PCSK6: variants seen among roughly 807,000 people sequenced by gnomAD.
The protein encoded by PCSK6 is paired basic amino acid cleaving enzyme 4.
Under a neutral mutation model 123.3 loss-of-function variants are expected in PCSK6, and 85 were observed. That is an observed-to-expected ratio of 0.69 (90% confidence interval 0.58 to 0.83). PCSK6 has a LOEUF of 0.83. PCSK6 is among the 40% of genes least tolerant of loss of function. PCSK6 has a pLI of 0.00. For missense variants in PCSK6, 1,191 were observed against 1,282.3 expected (o/e 0.93, Z 1.09); for synonymous variants, 508 against 516.0 (o/e 0.98, Z 0.21).
intron 14 of PCSK6, 36 bp downstream of exon 14, chr15:101,331,816 G>T: frequency 6.2e-7 from 1 of 1,609,832 alleles, no homozygotes; most frequent in South Asian, 1.1e-5. Context: ...AAAGCTCGTG[G>T]AAGCTGGCCG....
At chr15:101,488,192 A>G (rs979357505) in intron 1 of PCSK6, among the ~76,000 whole-genome samples, 7 of 152,178 alleles carry the variant, frequency 4.6e-5, no homozygotes, top group East Asian at 3.9e-4. Context: ...TACATTTAAC[A>G]CTGCCTGGCA....
chr15:101,307,136 G>C, intron 21 of PCSK6, 77 bp downstream of exon 21: 1 of 1,073,312 alleles, frequency 9.3e-7, no homozygotes, highest in Non-Finnish European at 1.4e-6. Flanking sequence ...ATGTGGCTTT[G>C]CTTTTCTCTT....
Position 101,316,910 on chromosome 15 carries a change from G to GTTTTTTTTTTTTTTTTTTTTT in PCSK6, c.2569+1408_2569+1409insAAAAAAAAAAAAAAAAAAAAA, listed in dbSNP as rs57613156. 1.3e-4 allele frequency among the ~76,000 whole-genome samples: 15 copies of GTTTTTTTTTTTTTTTTTTTTT among 114,942 alleles called. 1 individual carries two copies. Among genetic ancestry groups the GTTTTTTTTTTTTTTTTTTTTT allele is most frequent in the African/African-American group, 5.5e-4 (14 of 25,388 alleles). The allele number at this position is 114,942 out of a possible 152,430, so 75.4% of individuals were successfully genotyped here. A position where few individuals can be genotyped will look rare whatever the true frequency, so the allele number is the denominator to read the frequency against. ...ACTGGTTTAGCAGAGACTTAATTCT[G>GTTTTTTTTTTTTTTTTTTTTT]TTTTTTTTTTTTTTTTTTTGACAGA... On this transcript the variant is annotated intron_variant, in intron 19 of 21. Transcript: ENST00000611716.
At position 101,489,471 on chromosome 15, in the gene PCSK6, C is replaced by G; in HGVS notation, c.200G>C (p.Arg67Pro). ...CGCCCAGTGGTTGGTGTAGACGGGG[C>G]GCGGCGGGGGCGCGGAGCAGGCGGC... is the stretch of plus-strand genomic sequence containing the variant. ...LPAACSAPPP[R>P]PVYTNHWAVQ... Residue 67 changes from arginine (R) to proline (P), a missense_variant, in exon 1 of 22, where the codon CGC becomes CCC. Arg to Pro is a moderately radical substitution (Grantham distance 103, BLOSUM62 -2). Around this residue, in one of 3 missense-constraint regions of PCSK6, gnomAD observed 204 missense variants for 166.4 expected, o/e 1.23. Transcript: ENST00000611716. 9.0e-7 allele frequency: 1 copy of G among 1,106,466 alleles called. No individual in the cohort carries two copies. Among genetic ancestry groups the G allele is most frequent in the South Asian group, 3.2e-5 (1 of 31,106 alleles). 68.5% of individuals were successfully genotyped at this position (1,106,466 alleles called of 1,614,324 possible). A position where few individuals can be genotyped will look rare whatever the true frequency, so the allele number is the denominator to read the frequency against.
chr15:101,451,544 G>A (rs940872526), intron 1 of PCSK6, among the ~76,000 whole-genome samples: 3 of 151,534 alleles, frequency 2.0e-5, no homozygotes, highest in African/African-American at 7.3e-5. Context: ...TGCAGATGAG[G>A]CTTCTGACTT....
chr15:101,317,996 C>T (rs2040031425), intron 19 of PCSK6, among the ~76,000 whole-genome samples: 1 of 152,218 alleles, frequency 6.6e-6, no homozygotes, highest in Non-Finnish European at 1.5e-5. Flanking sequence ...CTGCAATGTA[C>T]ATAAAATCTA....
At chr15:101,370,068 A>G (rs2041530463) in intron 12 of PCSK6, among the ~76,000 whole-genome samples, 1 of 145,080 alleles carries the variant, frequency 6.9e-6, no homozygotes, top group African/African-American at 2.8e-5. Flanking sequence ...CAAAAAACGA[A>G]ACAACAACTC....
chr15:101,314,453 C>G (rs142602195), intron 19 of PCSK6, among the ~76,000 whole-genome samples: 454 of 152,328 alleles, frequency 3.0e-3, no homozygotes, highest in Middle Eastern at 0.024. Context: ...ATCACAATGC[C>G]CAGGTAAACC....
intron 8 of PCSK6, among the ~76,000 whole-genome samples, chr15:101,391,891 C>T (rs1470556819): frequency 6.6e-6 from 1 of 152,136 alleles, no homozygotes; most frequent in Admixed American, 6.5e-5. Context: ...CCCTTCTTAC[C>T]CACATATTAT....
intron 1 of PCSK6, among the ~76,000 whole-genome samples, chr15:101,482,788 GAGTCTGCTCCTGATTCT>G (rs2057922919): frequency 1.0e-5 from 1 of 100,098 alleles, no homozygotes; most frequent in Non-Finnish European, 2.2e-5. Flanking sequence ...TCCTGATTCT[GAGTCTGCTCCTGATTCT>G]GAGTCTGCCC....
In PCSK6 at chr15:101,425,233, G is replaced by A. The variant is rs183917279; in HGVS notation, c.823+2659C>T. Among the ~76,000 whole-genome samples the A allele has an allele frequency of 3.3e-5, 5 of 152,322 alleles. No individual in the cohort carries two copies. In the East Asian group the frequency reaches 7.7e-4, roughly 24 times the overall value. The stretch of plus-strand genomic sequence containing the variant: ...GAGCTCACACCTCTCTGGAAGGTAG[G>A]TGTGGGGTTGAGGCTGGCCTTGACC... On this transcript the variant is annotated intron_variant, in intron 6 of 21. Transcript: ENST00000611716.
intron 13 of PCSK6, among the ~76,000 whole-genome samples, chr15:101,357,714 G>T (rs3743191): frequency 6.6e-6 from 1 of 152,230 alleles, no homozygotes; most frequent in African/African-American, 2.4e-5. Context: ...CAATGCCTAC[G>T]TTGGGTCCCG....
intron 20 of PCSK6, among the ~76,000 whole-genome samples, chr15:101,310,251 C>G (rs1034297923): frequency 6.6e-6 from 1 of 152,210 alleles, no homozygotes; most frequent in Non-Finnish European, 1.5e-5. Flanking sequence ...TCTGCAGGGC[C>G]GAAAGCTGCC....
intron 6 of PCSK6, among the ~76,000 whole-genome samples, chr15:101,407,095 G>A (rs1325554342): frequency 6.6e-6 from 1 of 152,080 alleles, no homozygotes; most frequent in Non-Finnish European, 1.5e-5. Flanking sequence ...TGGGAGGCTG[G>A]CAGTGTGGTG....
At chr15:101,379,363 A>G (rs2041845706) in intron 11 of PCSK6, among the ~76,000 whole-genome samples, 1 of 152,314 alleles carries the variant, frequency 6.6e-6, no homozygotes, top group South Asian at 2.1e-4. Flanking sequence ...ACAGGTGTGG[A>G]CACATGCCCC....
At chr15:101,437,886 C>T (rs1398771343) in intron 2 of PCSK6, among the ~76,000 whole-genome samples, 1 of 152,006 alleles carries the variant, frequency 6.6e-6, no homozygotes, top group East Asian at 1.9e-4. Context: ...AATCTTAACC[C>T]GGGGTAGCTC....
Position 101,393,913 on chromosome 15 carries a change from T to G in PCSK6, c.997-489A>C, listed in dbSNP as rs139723772. On this transcript the variant is annotated intron_variant, in intron 7 of 21. Coordinates refer to ENST00000611716, the MANE Select transcript of PCSK6 (RefSeq NM_002570.5). ...GAAAACATACTTGAAGAGGTACCCT[T>G]CTTGCAGAGAGAGCTAAATTTGCAA... Among the ~76,000 whole-genome samples the G allele has an allele frequency of 7.9e-5, 12 of 152,314 alleles. No individual in the cohort carries two copies. The East Asian group carries it at 1.7e-3, about 22-fold the overall frequency.
At chr15:101,459,461 A>G (rs56020872) in intron 1 of PCSK6, among the ~76,000 whole-genome samples, 6,511 of 81,264 alleles carry the variant, frequency 0.08, 235 homozygotes, top group East Asian at 0.097. Context: ...TGCTGCCACC[A>G]TTCCCGTCCC....
intron 13 of PCSK6, among the ~76,000 whole-genome samples, chr15:101,353,191 T>C (rs1273352786): frequency 2.6e-5 from 4 of 152,054 alleles, no homozygotes; most frequent in African/African-American, 4.8e-5. Flanking sequence ...GACGGTCCCG[T>C]CTGGGGGTGA....
Sources: gnomAD v4.1 joint callset for allele counts (sites outside exome capture counted in the v4.1 genomes callset) on GRCh38, gnomAD v4.1.1 for gene constraint, gnomAD v4.1.1 regional missense constraint, MANE v1.5 for transcripts, NCBI Gene and HGNC (gene_info 2026-07-23, HGNC 2026-07-21) for gene names.